Variants in ZNF277 observed in about 807,000 individuals in gnomAD.
The protein encoded by ZNF277 is nuclear receptor-interacting factor 4.
A neutral mutation model predicts 60.7 loss-of-function variants in ZNF277; 55 were observed. The ratio of observed to expected loss-of-function variants is 0.91; its 90% CI spans 0.73 to 1.13. The LOEUF (loss-of-function observed/expected upper bound fraction) is 1.13. Ranked by LOEUF, ZNF277 falls within the 50% of genes most tolerant of loss-of-function variation. The pLI is 0.00. For synonymous variants in ZNF277, 178 were observed against 179.3 expected (o/e 0.99, Z 0.06); for missense variants, 510 against 523.0 (o/e 0.98, Z 0.24).
chr7:112,260,436 T>C (rs1397033182), intron 1 of ZNF277, among the ~76,000 whole-genome samples: 1 of 152,240 alleles, frequency 6.6e-6, no homozygotes, highest in Non-Finnish European at 1.5e-5. Flanking sequence ...TGGTTTTCTA[T>C]ATTTTTTCAT....
chr7:112,311,019 TG>T (rs995763932), intron 4 of ZNF277, among the ~76,000 whole-genome samples: 13 of 152,184 alleles, frequency 8.5e-5, no homozygotes, highest in African/African-American at 4.8e-5. Flanking sequence ...CCATTGGATT[TG>T]TCCCTTTAAG....
At position 112,261,714 on chromosome 7, in the gene ZNF277, T is replaced by C. The variant is rs1279804934; in HGVS notation, c.92-25159T>C. ...GTTTTTATGAATTTATTCATAATCTTGTCTCCATTAAAAGACACCATTGCT... is the reference window on the plus strand; with the variant it reads ...GTTTTTATGAATTTATTCATAATCTCGTCTCCATTAAAAGACACCATTGCT... On this transcript the variant is annotated intron_variant, in intron 1 of 11. Transcript: ENST00000361822. Among the ~76,000 whole-genome samples the C allele has an allele frequency of 2.0e-5, 3 of 152,192 alleles. No individual in the cohort carries two copies. In the East Asian group the frequency reaches 5.8e-4, roughly 29 times the overall value.
chr7:112,214,039 T>C (rs1821819716), intron 1 of ZNF277, among the ~76,000 whole-genome samples: 2 of 152,218 alleles, frequency 1.3e-5, no homozygotes, highest in South Asian at 4.1e-4. Context: ...GGTTTTAATA[T>C]GTCTTCTGCA....
At chr7:112,319,274 G>A (rs1792919423) in intron 5 of ZNF277, among the ~76,000 whole-genome samples, 1 of 151,902 alleles carries the variant, frequency 6.6e-6, no homozygotes, top group Admixed American at 6.6e-5. Flanking sequence ...TTCCCCATCT[G>A]GAAGCTATGT....
At chr7:112,238,593 G>C (rs760843690) in intron 1 of ZNF277, among the ~76,000 whole-genome samples, 2 of 151,132 alleles carry the variant, frequency 1.3e-5, no homozygotes, top group African/African-American at 4.8e-5. Flanking sequence ...GGAGGTGTTC[G>C]CGTCACCCCA....
chr7:112,241,780 T>C (rs888407269), intron 1 of ZNF277, among the ~76,000 whole-genome samples: 1 of 152,116 alleles, frequency 6.6e-6, no homozygotes, highest in African/African-American at 2.4e-5. Context: ...TTCTCACTCA[T>C]TTGTGGAAGC....
At chr7:112,293,264 A>G (rs10273461) in intron 2 of ZNF277, among the ~76,000 whole-genome samples, 6,830 of 152,168 alleles carry the variant, frequency 0.045, 367 homozygotes, top group African/African-American at 0.13. Flanking sequence ...GCAAGGGACA[A>G]TATTGATTGT....
intron 2 of ZNF277, among the ~76,000 whole-genome samples, chr7:112,293,772 G>T (rs982977413): frequency 1.3e-5 from 2 of 152,062 alleles, no homozygotes; most frequent in Non-Finnish European, 2.9e-5. Flanking sequence ...GACCCAAAAT[G>T]GAACTAATTA....
intron 1 of ZNF277, among the ~76,000 whole-genome samples, chr7:112,243,583 G>T (rs979413168): frequency 1.3e-5 from 2 of 150,576 alleles, no homozygotes; most frequent in Non-Finnish European, 3.0e-5. Flanking sequence ...AAAAAAAAAT[G>T]TTCTCTAATC....
chr7:112,215,529 T>C (rs1373037957), intron 1 of ZNF277, among the ~76,000 whole-genome samples: 1 of 152,216 alleles, frequency 6.6e-6, no homozygotes, highest in African/African-American at 2.4e-5. Flanking sequence ...CATCCCTGTC[T>C]CACCGGAGCT....
At chr7:112,287,343 C>G in intron 2 of ZNF277, 1 of 369,116 alleles carries the variant, frequency 2.7e-6, no homozygotes, top group Non-Finnish European at 4.9e-6. Context: ...CCATTGCACT[C>G]CAGCCTGGGT....
At chr7:112,283,645 C>G (rs992023649) in intron 1 of ZNF277, among the ~76,000 whole-genome samples, 5 of 152,066 alleles carry the variant, frequency 3.3e-5, no homozygotes, top group African/African-American at 1.2e-4. Flanking sequence ...CAGTTTGGTT[C>G]TCATATGTGT....
At chr7:112,273,912 G>A (rs1426070671) in intron 1 of ZNF277, among the ~76,000 whole-genome samples, 2 of 152,038 alleles carry the variant, frequency 1.3e-5, no homozygotes, top group Admixed American at 6.5e-5. Context: ...GATCAAATGA[G>A]TATCAGCTAA....
intron 5 of ZNF277, among the ~76,000 whole-genome samples, chr7:112,322,654 T>G (rs1175523757): frequency 2.0e-5 from 3 of 152,116 alleles, no homozygotes; most frequent in African/African-American, 7.2e-5. Flanking sequence ...TTTCTTTAGT[T>G]CTTTTGGGCA....
intron 1 of ZNF277, among the ~76,000 whole-genome samples, chr7:112,283,805 GTACTC>G (rs1340796743): frequency 6.6e-6 from 1 of 152,160 alleles, no homozygotes; most frequent in Non-Finnish European, 1.5e-5. Context: ...GAGATGAACT[GTACTC>G]TAGTGATTTT....
chr7:112,310,854 G>A (rs761676208), intron 4 of ZNF277, among the ~76,000 whole-genome samples: 2 of 152,072 alleles, frequency 1.3e-5, no homozygotes, highest in African/African-American at 2.4e-5. Flanking sequence ...AACCTGAGGA[G>A]TGTGCCTTTT....
chr7:112,290,055 G>A (rs997503937), intron 2 of ZNF277, among the ~76,000 whole-genome samples: 2 of 151,986 alleles, frequency 1.3e-5, no homozygotes, highest in Admixed American at 1.3e-4. Flanking sequence ...AGAACTCCTG[G>A]GCTCAAGCAA....
intron 4 of ZNF277, among the ~76,000 whole-genome samples, chr7:112,296,908 A>ATTTATTT (rs1792356599): frequency 3.5e-4 from 13 of 37,186 alleles, no homozygotes; most frequent in Non-Finnish European, 5.6e-4. Context: ...TTATTTATTT[A>ATTTATTT]TTTATTTTTT....
intron 1 of ZNF277, among the ~76,000 whole-genome samples, chr7:112,223,314 C>T (rs992740589): frequency 6.6e-6 from 1 of 152,126 alleles, no homozygotes; most frequent in Non-Finnish European, 1.5e-5. Context: ...TGGTGTGTCT[C>T]CCTCTGTGTC....
Sources: allele counts gnomAD v4.1 joint callset (sites outside exome capture counted in the v4.1 genomes callset), GRCh38; gene constraint gnomAD v4.1.1; transcripts MANE v1.5; gene names NCBI Gene and HGNC (gene_info 2026-07-23, HGNC 2026-07-21).